The following PTPRD variants were observed in gnomAD, a reference collection of about 807,000 sequenced individuals.
The protein encoded by PTPRD is receptor-type tyrosine-protein phosphatase delta.
Under a neutral mutation model 214.5 loss-of-function variants are expected in PTPRD, and 34 were observed. The observed-to-expected ratio is 0.16, with a 90% confidence interval of 0.12 to 0.21. The LOEUF is 0.21. Among genes scored for constraint, PTPRD ranks in the 10% least tolerant of loss-of-function variants. The probability of loss-of-function intolerance (pLI) is 1.00; values close to 1 mark genes in which losing one functional copy is unlikely to be tolerated. For synonymous variants in PTPRD, 1,128 were observed against 845.7 expected (o/e 1.33, Z -5.79); for missense variants, 2,545 against 2,398.7 (o/e 1.06, Z -1.27).
intron 9 of PTPRD, among the ~76,000 whole-genome samples, chr9:9,336,840 A>G (rs1364148353): frequency 6.6e-6 from 1 of 152,142 alleles, no homozygotes; most frequent in East Asian, 1.9e-4. Flanking sequence ...CATCTTTGTG[A>G]TAGTTTATAT....
intron 30 of PTPRD, among the ~76,000 whole-genome samples, chr9:8,479,220 T>G (rs901764901): frequency 7.9e-5 from 12 of 152,204 alleles, no homozygotes; most frequent in African/African-American, 2.9e-4. Flanking sequence ...TACACTATTA[T>G]CCCTTTAAGA....
At chr9:9,855,723 C>T (rs1402236085) in intron 5 of PTPRD, among the ~76,000 whole-genome samples, 1 of 152,160 alleles carries the variant, frequency 6.6e-6, no homozygotes, top group Non-Finnish European at 1.5e-5. Flanking sequence ...GTGCAGGAGC[C>T]AGGGCGAACA....
chr9:9,934,660 G>C (rs1311711592), intron 5 of PTPRD, among the ~76,000 whole-genome samples: 2 of 150,824 alleles, frequency 1.3e-5, no homozygotes, highest in Non-Finnish European at 2.9e-5. Flanking sequence ...AGGAGGAACT[G>C]GTACCATTCC....
chr9:9,908,536 G>A (rs2078266197), intron 5 of PTPRD, among the ~76,000 whole-genome samples: 2 of 151,994 alleles, frequency 1.3e-5, no homozygotes, highest in South Asian at 2.1e-4. Context: ...GGTTGTTAAT[G>A]TATATTATTT....
At position 9,761,857 on chromosome 9, in the gene PTPRD, T is replaced by C. The variant is rs551129332; in HGVS notation, c.-326+4953A>G. 2.0e-5 allele frequency among the ~76,000 whole-genome samples: 3 copies of C among 152,340 alleles called. No homozygotes were observed. The East Asian group carries it at 5.8e-4, about 29-fold the overall frequency. ...ACATCAAAATCTGCGAATTATTCCA[T>C]GCTCCACCTCTTTCCTCTTTATTTT... On this transcript the variant is annotated intron_variant, in intron 6 of 45. Coordinates refer to ENST00000381196, the MANE Select transcript of PTPRD (RefSeq NM_002839.4).
chr9:9,095,760 C>G (rs2099782599), intron 10 of PTPRD, among the ~76,000 whole-genome samples: 1 of 152,034 alleles, frequency 6.6e-6, no homozygotes, highest in South Asian at 2.1e-4. Context: ...GAGCATATAC[C>G]CAAAGGAAAT....
intron 2 of PTPRD, among the ~76,000 whole-genome samples, chr9:10,576,831 C>G (rs1029331489): frequency 7.9e-5 from 12 of 151,992 alleles, no homozygotes; most frequent in Non-Finnish European, 1.6e-4. Context: ...AAAAATTAAC[C>G]AAGTTAAATA....
chr9:10,382,069 G>A (rs909161852), intron 2 of PTPRD, among the ~76,000 whole-genome samples: 2 of 151,792 alleles, frequency 1.3e-5, no homozygotes, highest in Non-Finnish European at 2.9e-5. Flanking sequence ...GTCGTCTAAT[G>A]TCTGCAATTC....
At chr9:8,917,768 G>A (rs183216921) in intron 11 of PTPRD, among the ~76,000 whole-genome samples, 12 of 152,200 alleles carry the variant, frequency 7.9e-5, no homozygotes, top group Middle Eastern at 3.4e-3. Flanking sequence ...CTTTATTCCA[G>A]AACATAATTA....
At chr9:8,929,903 A>ATATATG (rs1567065105) in intron 11 of PTPRD, among the ~76,000 whole-genome samples, 5 of 53,496 alleles carry the variant, frequency 9.3e-5, no homozygotes, top group African/African-American at 2.3e-4. Context: ...ATATATGTGT[A>ATATATG]TATATATGTG....
At chr9:9,042,721 T>A (rs540831333) in intron 10 of PTPRD, among the ~76,000 whole-genome samples, 70 of 151,330 alleles carry the variant, frequency 4.6e-4, no homozygotes, top group African/African-American at 1.6e-3. Context: ...ATCCATTTTC[T>A]ACTGACCATA....
intron 11 of PTPRD, among the ~76,000 whole-genome samples, chr9:8,746,393 T>A (rs560903931): frequency 6.6e-6 from 1 of 152,336 alleles, no homozygotes; most frequent in African/African-American, 2.4e-5. Flanking sequence ...GCATTTCCCA[T>A]ACCAAGATGT....
chr9:9,143,354 C>T (rs913767847), intron 10 of PTPRD, among the ~76,000 whole-genome samples: 4 of 152,166 alleles, frequency 2.6e-5, no homozygotes, highest in African/African-American at 9.7e-5. Context: ...ACTCTTATTA[C>T]AATGTTCCTT....
intron 3 of PTPRD, among the ~76,000 whole-genome samples, chr9:10,264,065 G>T (rs1220991548): frequency 6.6e-6 from 1 of 152,162 alleles, no homozygotes; most frequent in Non-Finnish European, 1.5e-5. Context: ...TGAGGTTTGG[G>T]AACTTCCGCC....
At chr9:9,138,597 C>T (rs2099854798) in intron 10 of PTPRD, among the ~76,000 whole-genome samples, 2 of 152,046 alleles carry the variant, frequency 1.3e-5, no homozygotes. Context: ...GTTCATTGTG[C>T]CAAGGAAAGA....
intron 2 of PTPRD, among the ~76,000 whole-genome samples, chr9:10,481,574 A>G (rs889554354): frequency 6.6e-6 from 1 of 152,194 alleles, no homozygotes; most frequent in African/African-American, 2.4e-5. Context: ...TAGCCTCATG[A>G]GAAAGAAGTT....
At chr9:10,283,872 T>C (rs1418489101) in intron 3 of PTPRD, among the ~76,000 whole-genome samples, 1 of 152,186 alleles carries the variant, frequency 6.6e-6, no homozygotes, top group Non-Finnish European at 1.5e-5. Context: ...TTAGGGTCAG[T>C]GTGACTAGAA....
At chr9:8,778,460 C>A (rs796365084) in intron 11 of PTPRD, among the ~76,000 whole-genome samples, 6 of 152,186 alleles carry the variant, frequency 3.9e-5, no homozygotes, top group Non-Finnish European at 1.5e-5. Flanking sequence ...AACAGAGCGA[C>A]CGTGTCTGGA....
At chr9:8,848,382 C>T (rs1277491427) in intron 11 of PTPRD, among the ~76,000 whole-genome samples, 1 of 141,886 alleles carries the variant, frequency 7.0e-6, no homozygotes, top group African/African-American at 2.6e-5. Context: ...GTTATACAGA[C>T]TAGAATGCAG....
Sources: gnomAD v4.1 joint callset for allele counts (sites outside exome capture counted in the v4.1 genomes callset) on GRCh38, gnomAD v4.1.1 for gene constraint, MANE v1.5 for transcripts, NCBI Gene and HGNC (gene_info 2026-07-23, HGNC 2026-07-21) for gene names.